DAB1: variants seen among roughly 807,000 people sequenced by gnomAD.
DAB1 encodes the protein DAB adaptor protein 1.
A neutral mutation model predicts 64.6 loss-of-function variants in DAB1; 15 were observed. The observed-to-expected ratio is 0.23, with a 90% CI of 0.16 to 0.36. The LOEUF is 0.36. Among genes scored for constraint, DAB1 ranks in the 10% least tolerant of loss-of-function variants. The probability of loss-of-function intolerance (pLI) is 1.00; values close to 1 mark genes in which losing one functional copy is unlikely to be tolerated. For missense variants in DAB1, 596 were observed against 706.7 expected, an observed-to-expected ratio of 0.84 and a Z score of 1.78; for synonymous variants, 235 against 251.9, an observed-to-expected ratio of 0.93 and a Z score of 0.64.
chr1:57,653,162 T>A (rs556776882), intron 6 of DAB1, among the ~76,000 whole-genome samples: 3 of 152,228 alleles, frequency 2.0e-5, no homozygotes, highest in Non-Finnish European at 4.4e-5. Context: ...CAGACCTTTT[T>A]TAATATAAAA....
At chr1:57,563,938 C>T (rs1025316165) in intron 7 of DAB1, among the ~76,000 whole-genome samples, 2 of 152,134 alleles carry the variant, frequency 1.3e-5, no homozygotes, top group African/African-American at 4.8e-5. Flanking sequence ...TTGAAGAGTG[C>T]AGTGGTTCTC....
chr1:57,349,717 A>C (rs72674862), intron 1 of DAB1, among the ~76,000 whole-genome samples: 1 of 152,192 alleles, frequency 6.6e-6, no homozygotes, highest in Non-Finnish European at 1.5e-5. Context: ...GGAATTTTGC[A>C]TTAGGTACAC....
At chr1:57,043,615 G>A (rs1297522699) in intron 9 of DAB1, among the ~76,000 whole-genome samples, 4 of 152,200 alleles carry the variant, frequency 2.6e-5, no homozygotes, top group Non-Finnish European at 4.4e-5. Flanking sequence ...GGGAGGCTGA[G>A]GCGGGCGGAT....
intron 6 of DAB1, among the ~76,000 whole-genome samples, chr1:57,693,179 C>G (rs777973127): frequency 3.2e-4 from 48 of 151,984 alleles, no homozygotes; most frequent in Non-Finnish European, 5.1e-4. Flanking sequence ...CCAGAGGATA[C>G]TACAACTTCA....
intron 2 of DAB1, among the ~76,000 whole-genome samples, chr1:57,153,537 T>G (rs1659896548): frequency 6.6e-6 from 1 of 152,216 alleles, no homozygotes; most frequent in African/African-American, 2.4e-5. Flanking sequence ...CTAACAATCA[T>G]AATGAGACAT....
At chr1:58,473,466 C>T (rs964323396) in intron 3 of DAB1, among the ~76,000 whole-genome samples, 4 of 151,866 alleles carry the variant, frequency 2.6e-5, no homozygotes, top group South Asian at 4.2e-4. Context: ...GGCGTGAACC[C>T]GGGAAGCGGA....
At chr1:57,067,685 C>T (rs1434224924) in intron 8 of DAB1, among the ~76,000 whole-genome samples, 1 of 152,034 alleles carries the variant, frequency 6.6e-6, no homozygotes, top group South Asian at 2.1e-4. Flanking sequence ...AGGGTCTTGC[C>T]TGAGAGAGCC....
intron 4 of DAB1, among the ~76,000 whole-genome samples, chr1:58,169,414 C>T (rs187170063): frequency 1.3e-5 from 2 of 152,246 alleles, no homozygotes; most frequent in African/African-American, 2.4e-5. Flanking sequence ...AAATGGGAAA[C>T]ATTCAGGCAT....
chr1:58,147,733 C>A (rs1351872045), intron 5 of DAB1, among the ~76,000 whole-genome samples: 1 of 152,080 alleles, frequency 6.6e-6, no homozygotes, highest in African/African-American at 2.4e-5. Flanking sequence ...AAGCAAATAA[C>A]TTTCATTGAG....
chr1:58,491,305 A>C (rs1158882676), intron 3 of DAB1, among the ~76,000 whole-genome samples: 1 of 152,208 alleles, frequency 6.6e-6, no homozygotes, highest in African/African-American at 2.4e-5. Flanking sequence ...AGCCGCAGCA[A>C]AAACATGCCA....
At chr1:57,337,878 C>CTCCCT (rs755714868) in intron 1 of DAB1, among the ~76,000 whole-genome samples, 161 of 66,050 alleles carry the variant, frequency 2.4e-3, no homozygotes, top group African/African-American at 5.1e-3. Flanking sequence ...CTCCCCTCCC[C>CTCCCT]TCCCTTCCCT....
intron 5 of DAB1, among the ~76,000 whole-genome samples, chr1:58,059,175 G>T (rs1648333864): frequency 6.6e-6 from 1 of 152,172 alleles, no homozygotes; most frequent in South Asian, 2.1e-4. Context: ...GCCTCCCTGG[G>T]CTGGTCACTG....
At chr1:58,324,848 T>C (rs574558987) in intron 4 of DAB1, among the ~76,000 whole-genome samples, 1 of 152,284 alleles carries the variant, frequency 6.6e-6, no homozygotes, top group African/African-American at 2.4e-5. Context: ...ATATATGCAC[T>C]GTGCAAAAAG....
intron 4 of DAB1, among the ~76,000 whole-genome samples, chr1:58,302,279 T>C (rs1662190026): frequency 6.6e-6 from 1 of 152,138 alleles, no homozygotes; most frequent in South Asian, 2.1e-4. Context: ...CTCAAGAATG[T>C]TGCCTATATA....
At chr1:57,267,514 A>T (rs945137552) in intron 2 of DAB1, among the ~76,000 whole-genome samples, 2 of 152,198 alleles carry the variant, frequency 1.3e-5, no homozygotes, top group African/African-American at 4.8e-5. Flanking sequence ...AGAAGACTTC[A>T]TACTGTCTGT....
intron 1 of DAB1, among the ~76,000 whole-genome samples, chr1:57,395,331 G>T (rs964859225): frequency 1.3e-5 from 2 of 152,078 alleles, no homozygotes; most frequent in African/African-American, 4.8e-5. Context: ...CAGCCCTAAT[G>T]TGTATGCTAA....
At chr1:57,257,045 T>A (rs1197670828) in intron 2 of DAB1, among the ~76,000 whole-genome samples, 2 of 152,230 alleles carry the variant, frequency 1.3e-5, no homozygotes, top group Admixed American at 6.5e-5. Flanking sequence ...TACATGAGTT[T>A]CCTTCACTGA....
intron 3 of DAB1, among the ~76,000 whole-genome samples, chr1:58,400,800 C>T (rs193248889): frequency 2.6e-5 from 4 of 152,180 alleles, no homozygotes; most frequent in Admixed American, 2.0e-4. Context: ...GTATAATTCT[C>T]TGAAATTCAC....
At chr1:57,033,525 G>T in intron 9 of DAB1, 1 of 1,612,846 alleles carries the variant, frequency 6.2e-7, no homozygotes, top group Non-Finnish European at 8.5e-7. Flanking sequence ...ATTCTTACCG[G>T]GGTGGCTGCA....
Sources: gnomAD v4.1 joint callset for allele counts (sites outside exome capture counted in the v4.1 genomes callset) on GRCh38, gnomAD v4.1.1 for gene constraint, MANE v1.5 for transcripts, NCBI Gene and HGNC (gene_info 2026-07-23, HGNC 2026-07-21) for gene names.